AFG2A: variants seen among roughly 807,000 people sequenced by gnomAD.
AFG2A encodes the protein AAA ATPase AFG2A.
the AFG2A span, among the ~76,000 whole-genome samples, chr4:123,289,864 C>CT: frequency 1.5e-4 from 23 of 148,590 alleles, 1 homozygote; most frequent in African/African-American, 4.7e-4. Context: ...TCCTTTCCCA[C>CT]TTTTTTTTTT....
At chr4:122,934,219 T>C in the AFG2A span, 4 of 1,614,196 alleles carry the variant, frequency 2.5e-6, no homozygotes, top group South Asian at 1.1e-5. Flanking sequence ...TCAGAGTGAC[T>C]CTGACACTGA....
At chr4:123,016,976 G>C in the AFG2A span, among the ~76,000 whole-genome samples, 1 of 152,154 alleles carries the variant, frequency 6.6e-6, no homozygotes, top group African/African-American at 2.4e-5. Context: ...ACGAAAACCA[G>C]TCAGGCGTGG....
the AFG2A span, among the ~76,000 whole-genome samples, chr4:123,195,092 C>A: frequency 3.3e-5 from 5 of 152,248 alleles, no homozygotes; most frequent in East Asian, 9.6e-4. Context: ...AAAACAAAAG[C>A]ATGAATACTT....
At chr4:123,041,581 G>A in the AFG2A span, among the ~76,000 whole-genome samples, 1 of 152,046 alleles carries the variant, frequency 6.6e-6, no homozygotes, top group South Asian at 2.1e-4. Context: ...GTCTAGGCTG[G>A]AGTGCAATGG....
chr4:123,122,773 G>GTTTTTTTTTTTTTTTTTTTTTTT, the AFG2A span, among the ~76,000 whole-genome samples: 2 of 140,080 alleles, frequency 1.4e-5, 1 homozygote. Context: ...CATGTCATCT[G>GTTTTTTTTTTTTTTTTTTTTTTT]TTTTTTTGTT....
the AFG2A span, among the ~76,000 whole-genome samples, chr4:123,129,247 C>G: frequency 1.3e-5 from 2 of 152,078 alleles, no homozygotes; most frequent in Non-Finnish European, 2.9e-5. Flanking sequence ...CTGTGCCATC[C>G]CTTAGGCCAC....
chr4:123,090,432 G>A, the AFG2A span: 1 of 783,958 alleles, frequency 1.3e-6, no homozygotes, highest in African/African-American at 1.7e-5. Flanking sequence ...ATATGATAAT[G>A]CAGTAAATAA....
the AFG2A span, among the ~76,000 whole-genome samples, chr4:123,123,298 G>T: frequency 3.9e-5 from 6 of 151,998 alleles, no homozygotes; most frequent in Admixed American, 3.9e-4. Flanking sequence ...CATTTGAAAA[G>T]GAAAAAGATG....
At chr4:123,167,796 A>G in the AFG2A span, among the ~76,000 whole-genome samples, 1 of 152,242 alleles carries the variant, frequency 6.6e-6, no homozygotes, top group Non-Finnish European at 1.5e-5. Context: ...CAACACAATC[A>G]GAAACTCTAA....
At chr4:122,984,406 C>T in the AFG2A span, among the ~76,000 whole-genome samples, 1 of 152,066 alleles carries the variant, frequency 6.6e-6, no homozygotes, top group Admixed American at 6.6e-5. Context: ...TCAGCAGTGA[C>T]AGTTTTTCCT....
the AFG2A span, among the ~76,000 whole-genome samples, chr4:123,089,952 G>A: frequency 2.6e-5 from 4 of 152,126 alleles, no homozygotes; most frequent in Non-Finnish European, 5.9e-5. Flanking sequence ...TTAGAGGATA[G>A]TGTGTTTAGA....
chr4:123,041,759 C>T, the AFG2A span, among the ~76,000 whole-genome samples: 8 of 150,284 alleles, frequency 5.3e-5, no homozygotes, highest in Non-Finnish European at 1.2e-4. Context: ...AACTCCTGAC[C>T]TTAGGTGATC....
chr4:123,020,774 T>C, the AFG2A span, among the ~76,000 whole-genome samples: 2 of 152,180 alleles, frequency 1.3e-5, no homozygotes, highest in African/African-American at 4.8e-5. Flanking sequence ...ATGTTTAGCA[T>C]TGAGGTTGTT....
chr4:122,932,292 A>G, the AFG2A span, among the ~76,000 whole-genome samples: 1 of 151,582 alleles, frequency 6.6e-6, no homozygotes, highest in East Asian at 1.9e-4. Flanking sequence ...AAAAAAAGTG[A>G]TTGGAGAACA....
At chr4:123,243,260 G>C in the AFG2A span, among the ~76,000 whole-genome samples, 1 of 152,138 alleles carries the variant, frequency 6.6e-6, no homozygotes, top group Non-Finnish European at 1.5e-5. Flanking sequence ...TATACCCAAA[G>C]GATTATAAAT....
the AFG2A span, among the ~76,000 whole-genome samples, chr4:122,962,065 G>A: frequency 6.6e-6 from 1 of 152,196 alleles, no homozygotes; most frequent in Non-Finnish European, 1.5e-5. Flanking sequence ...ATTCTCATAA[G>A]GAGCAGACAA....
At chr4:122,947,522 A>G in the AFG2A span, 1 of 1,495,416 alleles carries the variant, frequency 6.7e-7, no homozygotes, top group South Asian at 1.4e-5. Flanking sequence ...GTCTCTATTG[A>G]TGCACTTATC....
At chr4:122,998,311 A>T in the AFG2A span, among the ~76,000 whole-genome samples, 3 of 151,802 alleles carry the variant, frequency 2.0e-5, no homozygotes, top group East Asian at 5.8e-4. Flanking sequence ...TCATTTTTTT[A>T]AATTTTATTA....
the AFG2A span, chr4:122,938,119 T>A: frequency 6.3e-7 from 1 of 1,588,882 alleles, no homozygotes; most frequent in South Asian, 1.2e-5. Flanking sequence ...TACTTGTTTG[T>A]TTTTAGACAC....
Sources: gnomAD v4.1 joint callset for allele counts (sites outside exome capture counted in the v4.1 genomes callset) on GRCh38, gnomAD v4.1.1 for gene constraint, MANE v1.5 for transcripts, NCBI Gene and HGNC (gene_info 2026-07-23, HGNC 2026-07-21) for gene names.